The following SETD9 variants were observed in gnomAD, a reference collection of about 807,000 sequenced individuals.
The protein encoded by SETD9 is SET domain containing 9.
Under a neutral mutation model 36.4 loss-of-function variants are expected in SETD9, and 37 were observed. The ratio of observed to expected loss-of-function variants is 1.02; its 90% confidence interval spans 0.78 to 1.34. The LOEUF (loss-of-function observed/expected upper bound fraction) is 1.34, where lower values mean the gene tolerates loss of function less well. SETD9 is among the 40% of genes most tolerant of loss of function. The pLI is 0.00. For synonymous variants in SETD9, 128 were observed against 132.9 expected (o/e 0.96, Z 0.26); for missense variants, 323 against 353.2 (o/e 0.91, Z 0.69).
At chr5:56,917,744 G>C (rs1320985568), downstream of SETD9, among the ~76,000 whole-genome samples, 1 of 152,242 alleles carries the variant, frequency 6.6e-6, no homozygotes, top group African/African-American at 2.4e-5. Flanking sequence ...CAGTGACAGA[G>C]TGAGTCCAGA....
downstream of SETD9, chr5:56,925,657 T>C (rs1749935386): frequency 5.8e-6 from 1 of 171,460 alleles, no homozygotes; most frequent in African/African-American, 2.4e-5. Flanking sequence ...AGACACTTCA[T>C]TGTTAAGACG....
chr5:56,923,122 C>A (rs764747917), intron 5 of SETD9: 7 of 1,610,488 alleles, frequency 4.3e-6, no homozygotes, highest in South Asian at 1.1e-5. Flanking sequence ...GGGATCCTCA[C>A]TCAGGTCACT....
At chr5:56,909,798 A>C in intron 1 of SETD9, 55 bp downstream of exon 1, 1 of 1,378,888 alleles carries the variant, frequency 7.3e-7, no homozygotes, top group African/African-American at 1.5e-5. Context: ...CCCAGACGCC[A>C]CCACGGCGGC....
At chr5:56,916,677 C>T in intron 5 of SETD9, 138 bp from the exon 6 acceptor site, 1 of 760,084 alleles carries the variant, frequency 1.3e-6, no homozygotes, top group South Asian at 1.9e-5. Flanking sequence ...GAACTATTTC[C>T]TCATGGAAAT....
chr5:56,924,122 A>T, intron 5 of SETD9: 1 of 1,373,082 alleles, frequency 7.3e-7, no homozygotes, highest in Admixed American at 2.0e-5. Flanking sequence ...ACAACACTAC[A>T]ACTTCAATCC....
At chr5:56,918,160 T>C (rs1749506714), downstream of SETD9, among the ~76,000 whole-genome samples, 1 of 152,212 alleles carries the variant, frequency 6.6e-6, no homozygotes, top group Non-Finnish European at 1.5e-5. Context: ...AACCTGCTCA[T>C]GACCTCAAGA....
At chr5:56,917,487 TGGGA>T (rs148806191), downstream of SETD9, 360 of 243,176 alleles carry the variant, frequency 1.5e-3, 1 homozygote, top group African/African-American at 8.2e-3. Context: ...ATAGTGTTGG[TGGGA>T]GGAACACTTA....
At chr5:56,910,252 G>T (rs748515466) in intron 1 of SETD9, 1 of 1,301,560 alleles carries the variant, frequency 7.7e-7, no homozygotes, top group Non-Finnish European at 1.0e-6. Context: ...CCAAGCCAGG[G>T]TTTATTTTCA....
intron 1 of SETD9, chr5:56,910,432 T>C (rs1302157037): frequency 7.7e-7 from 1 of 1,299,538 alleles, no homozygotes; most frequent in South Asian, 1.2e-5. Flanking sequence ...GCACCAGTGA[T>C]CAGCTCAACA....
At chr5:56,921,726 G>GT (rs1483957778), downstream of SETD9, 1 of 152,536 alleles carries the variant, frequency 6.6e-6, no homozygotes, top group African/African-American at 2.4e-5. Flanking sequence ...CCAAACATTT[G>GT]TTTTTTGCAA....
intron 5 of SETD9, chr5:56,923,240 C>A (rs767242426): frequency 2.5e-6 from 4 of 1,614,086 alleles, no homozygotes; most frequent in South Asian, 2.2e-5. Context: ...CATTTTGGCA[C>A]TGGTGATGTG....
chr5:56,916,749 G>C, intron 5 of SETD9, 66 bp from the exon 6 acceptor site: 3 of 1,535,778 alleles, frequency 2.0e-6, no homozygotes, highest in Non-Finnish European at 2.6e-6. Flanking sequence ...AGCCATCTTG[G>C]TTATATTAAA....
In SETD9 at chr5:56,913,009, AG is replaced by A. The variant is rs757137286; in HGVS notation, c.467del. ...ATATTTCTTTGTCTTGTTGTGTAAT[AG>A]GTACAGTATATCAGAAGTATGAGCC... On this transcript the variant is annotated splice_acceptor_variant, in intron 2 of 5. Coordinates refer to ENST00000285947, the MANE Select transcript of SETD9 (RefSeq NM_153706.4). LOFTEE classifies it high-confidence loss of function. The A allele has an allele frequency of 1.2e-6, 2 of 1,613,202 alleles. No individual in the cohort carries two copies. The highest frequency in any genetic ancestry group is 4.5e-5 in the East Asian group (2 of 44,838).
chr5:56,909,395 G>A, upstream of SETD9: 1 of 390,722 alleles, frequency 2.6e-6, no homozygotes, highest in Non-Finnish European at 4.6e-6. Flanking sequence ...GCACCCGAGC[G>A]ACCGGAGAAA....
chr5:56,909,938 C>A, intron 1 of SETD9, 195 bp downstream of exon 1: 1 of 1,107,190 alleles, frequency 9.0e-7, no homozygotes, highest in Non-Finnish European at 1.2e-6. Flanking sequence ...GAACGCGGGC[C>A]AGAGGCGGGC....
Position 56,913,886 on chromosome 5 carries a change from G to T in SETD9, c.603G>T (p.Gly201=), listed in dbSNP as rs776244196. The part of the protein sequence containing the change: ...ISKVVYRSCN[G]RDRLGPLKMS... ...TCACTTGTTTCAGATCTTGCAATGGGAGGGATCGACTCGGCCCTTTAAAAA... is the reference window on the plus strand; with the variant it reads ...TCACTTGTTTCAGATCTTGCAATGGTAGGGATCGACTCGGCCCTTTAAAAA... The change falls in exon 4 of 6, where the codon GGG becomes GGT. Residue 201 remains glycine, a synonymous_variant. Coordinates refer to ENST00000285947, the MANE Select transcript of SETD9 (RefSeq NM_153706.4). 1 of 1,610,188 alleles carries T rather than the reference G, an allele frequency of 6.2e-7. No individual in the cohort carries two copies. The highest frequency in any genetic ancestry group is 2.2e-5 in the East Asian group (1 of 44,862).
chr5:56,912,346 A>G (rs1749182648), intron 2 of SETD9: 1 of 638,088 alleles, frequency 1.6e-6, no homozygotes, highest in South Asian at 7.0e-5. Flanking sequence ...TATTTGGTAT[A>G]GTGGAAAGTG....
chr5:56,927,321 A>C (rs749281340), downstream of SETD9, among the ~76,000 whole-genome samples: 15 of 152,140 alleles, frequency 9.9e-5, no homozygotes, highest in Non-Finnish European at 1.8e-4. Flanking sequence ...TAAAAGATAT[A>C]ATAATAACTA....
At chr5:56,923,028 G>T in intron 5 of SETD9, 1 of 889,372 alleles carries the variant, frequency 1.1e-6, no homozygotes. Flanking sequence ...TGATGTCATA[G>T]TGAGAAAGGT....
Sources: allele counts gnomAD v4.1 joint callset (sites outside exome capture counted in the v4.1 genomes callset), GRCh38; gene constraint gnomAD v4.1.1; transcripts MANE v1.5; gene names NCBI Gene and HGNC (gene_info 2026-07-23, HGNC 2026-07-21).